The following PCDH9 variants were observed in gnomAD, a reference collection of about 807,000 sequenced individuals.
The protein encoded by PCDH9 is protocadherin-9.
Under a neutral mutation model 70.6 loss-of-function variants are expected in PCDH9, and 24 were observed. The observed-to-expected ratio is 0.34, with a 90% CI of 0.25 to 0.48. The LOEUF is 0.48. Among genes scored for constraint, PCDH9 ranks in the 20% least tolerant of loss-of-function variants. PCDH9 has a pLI of 0.99. For synonymous variants in PCDH9, 562 were observed against 558.5 expected, an observed-to-expected ratio of 1.01 and a Z score of -0.09; for missense variants, 1,281 against 1,503.6, an observed-to-expected ratio of 0.85 and a Z score of 2.45.
chr13:66,717,684 G>A (rs932105696), intron 3 of PCDH9, among the ~76,000 whole-genome samples: 3 of 151,496 alleles, frequency 2.0e-5, no homozygotes, highest in Non-Finnish European at 4.4e-5. Flanking sequence ...CAATCAGCTT[G>A]TAGTCAGGCT....
chr13:66,413,348 A>C (rs1334024580), intron 4 of PCDH9, among the ~76,000 whole-genome samples: 2 of 152,212 alleles, frequency 1.3e-5, no homozygotes, highest in Non-Finnish European at 2.9e-5. Context: ...ATATATAAGC[A>C]ACTGTAAAGA....
intron 4 of PCDH9, among the ~76,000 whole-genome samples, chr13:66,627,298 A>T (rs1348977110): frequency 6.6e-6 from 1 of 152,310 alleles, no homozygotes; most frequent in African/African-American, 2.4e-5. Flanking sequence ...CTGAATTCAA[A>T]GGGGACAATA....
At chr13:66,630,485 A>G (rs2077555551) in intron 4 of PCDH9, among the ~76,000 whole-genome samples, 1 of 152,134 alleles carries the variant, frequency 6.6e-6, no homozygotes, top group Admixed American at 6.5e-5. Flanking sequence ...TTTCCTCCAA[A>G]GGCCAAGGAA....
At chr13:66,540,861 G>T (rs778412895) in intron 4 of PCDH9, among the ~76,000 whole-genome samples, 1 of 152,242 alleles carries the variant, frequency 6.6e-6, no homozygotes, top group Admixed American at 6.5e-5. Context: ...TCAGTTTAAT[G>T]AGTCTTTGGT....
intron 3 of PCDH9, among the ~76,000 whole-genome samples, chr13:66,751,073 C>T (rs1017305894): frequency 4.6e-5 from 7 of 152,136 alleles, no homozygotes; most frequent in African/African-American, 1.4e-4. Flanking sequence ...TACTTAATCT[C>T]TTTATTAAGT....
intron 3 of PCDH9, among the ~76,000 whole-genome samples, chr13:66,740,875 G>C (rs2079252475): frequency 1.6e-5 from 2 of 127,054 alleles, no homozygotes; most frequent in Non-Finnish European, 3.3e-5. Flanking sequence ...AAAGAGTCCA[G>C]GACCAGATGG....
In PCDH9 at chr13:66,557,568, C is replaced by T. The variant is rs1961789166; in HGVS notation, c.3340+73642G>A. On this transcript the variant is annotated intron_variant, in intron 4 of 4. Transcript: ENST00000377865. ...TACATGGTGATTTATATTGCTTTCTCTTCGCTGTAACAGAAACCAGCATTG... is the reference window on the plus strand; with the variant it reads ...TACATGGTGATTTATATTGCTTTCTTTTCGCTGTAACAGAAACCAGCATTG... Among the ~76,000 whole-genome samples, 5 of 152,270 alleles carry T rather than the reference C, an allele frequency of 3.3e-5. No individual in the cohort carries two copies. The South Asian group carries it at 1.0e-3, about 32-fold the overall frequency.
intron 4 of PCDH9, among the ~76,000 whole-genome samples, chr13:66,440,986 T>G (rs942347780): frequency 1.3e-5 from 2 of 152,190 alleles, no homozygotes; most frequent in Admixed American, 1.3e-4. Flanking sequence ...AACTTTAAAG[T>G]GACTCAACTT....
rs145995184 is a variant in PCDH9 at position 66,641,639 on chromosome 13, T to G, written c.3139-10228A>C. ...ATATGGAAGGGACTGTCTCTAGCCA[T>G]ATAGAACACACAAAAAAGCATCCTT... On this transcript the variant is annotated intron_variant, in intron 3 of 4. Transcript: ENST00000377865. Among the ~76,000 whole-genome samples the G allele has an allele frequency of 4.9e-4, 75 of 152,242 alleles. 1 individual carries two copies. Among genetic ancestry groups the G allele is most frequent in the African/African-American group, 1.6e-3 (67 of 41,550 alleles).
chr13:66,307,879 G>A (rs1302774830), intron 4 of PCDH9, among the ~76,000 whole-genome samples: 1 of 152,080 alleles, frequency 6.6e-6, no homozygotes, highest in Non-Finnish European at 1.5e-5. Context: ...TCAGCATTGA[G>A]TGACACATTT....
intron 4 of PCDH9, among the ~76,000 whole-genome samples, chr13:66,625,060 A>T (rs985493761): frequency 1.2e-4 from 19 of 152,180 alleles, no homozygotes; most frequent in Non-Finnish European, 2.4e-4. Context: ...TATTATTTTG[A>T]TAGAGTAATA....
At chr13:66,388,648 T>C (rs572614462) in intron 4 of PCDH9, among the ~76,000 whole-genome samples, 7 of 152,284 alleles carry the variant, frequency 4.6e-5, no homozygotes, top group South Asian at 2.1e-4. Flanking sequence ...GCACAAAATA[T>C]AATTAGAAGT....
At chr13:66,819,325 G>GAAA (rs34857677) in intron 3 of PCDH9, among the ~76,000 whole-genome samples, 98 of 147,866 alleles carry the variant, frequency 6.6e-4, no homozygotes, top group South Asian at 2.8e-3. Context: ...TTGATGAGGA[G>GAAA]AAAAAAAAAA....
At chr13:66,956,420 T>C (rs1341154263) in intron 2 of PCDH9, among the ~76,000 whole-genome samples, 1 of 152,162 alleles carries the variant, frequency 6.6e-6, no homozygotes, top group Non-Finnish European at 1.5e-5. Flanking sequence ...GGTTATGTGA[T>C]AGTCAAAAAG....
chr13:66,679,744 A>G (rs1221952667), intron 3 of PCDH9, among the ~76,000 whole-genome samples: 6 of 152,034 alleles, frequency 3.9e-5, no homozygotes, highest in Admixed American at 3.9e-4. Flanking sequence ...TAGTAATATA[A>G]TATGCATAGC....
At chr13:67,103,449 T>A (rs747700982) in intron 2 of PCDH9, among the ~76,000 whole-genome samples, 9 of 152,160 alleles carry the variant, frequency 5.9e-5, no homozygotes, top group Non-Finnish European at 1.3e-4. Flanking sequence ...GCCAATAGAA[T>A]GTATATATTG....
intron 4 of PCDH9, among the ~76,000 whole-genome samples, chr13:66,490,686 G>T (rs935758821): frequency 3.9e-5 from 6 of 152,108 alleles, no homozygotes; most frequent in Middle Eastern, 3.4e-3. Flanking sequence ...GTTATCAGTT[G>T]TGTAAATCTA....
chr13:66,888,161 CTA>C (rs1333997060), intron 3 of PCDH9, among the ~76,000 whole-genome samples: 1 of 152,088 alleles, frequency 6.6e-6, no homozygotes, highest in Non-Finnish European at 1.5e-5. Context: ...TTCTCATCAA[CTA>C]TATGTTCCCC....
At chr13:66,562,106 G>A (rs545912378) in intron 4 of PCDH9, among the ~76,000 whole-genome samples, 6 of 152,092 alleles carry the variant, frequency 3.9e-5, no homozygotes, top group South Asian at 4.2e-4. Flanking sequence ...AACACTCACC[G>A]CAAGGGTCCA....
Sources: allele counts gnomAD v4.1 joint callset (sites outside exome capture counted in the v4.1 genomes callset), GRCh38; gene constraint gnomAD v4.1.1; transcripts MANE v1.5; gene names NCBI Gene and HGNC (gene_info 2026-07-23, HGNC 2026-07-21).